MRAS: variants seen among roughly 807,000 people sequenced by gnomAD.
MRAS encodes ras-related protein M-Ras.
In MRAS, 4 loss-of-function variants were observed where a neutral mutation model predicts 20.9. The observed-to-expected ratio is 0.19, with a 90% CI of 0.09 to 0.44. MRAS has a LOEUF of 0.44. Ranked by LOEUF, MRAS falls within the 20% of genes least tolerant of loss-of-function variation. MRAS has a pLI of 0.99. For synonymous variants in MRAS, 98 were observed against 102.9 expected (o/e 0.95, Z 0.29); for missense variants, 154 against 277.5 (o/e 0.56, Z 3.16).
chr3:138,382,327 C>T (rs1012864459), intron 2 of MRAS, among the ~76,000 whole-genome samples: 5 of 152,182 alleles, frequency 3.3e-5, no homozygotes, highest in African/African-American at 7.2e-5. Flanking sequence ...GTCCTCAGAG[C>T]GGTGGTAGCA....
At chr3:138,368,792 AT>A (rs1325309221) in intron 1 of MRAS, among the ~76,000 whole-genome samples, 1 of 152,194 alleles carries the variant, frequency 6.6e-6, no homozygotes, top group Non-Finnish European at 1.5e-5. Flanking sequence ...TTTTAAAAAA[AT>A]CTTTCTCTGT....
chr3:138,378,144 A>G (rs149277649), intron 2 of MRAS, among the ~76,000 whole-genome samples: 117 of 151,632 alleles, frequency 7.7e-4, no homozygotes, highest in African/African-American at 2.6e-3. Flanking sequence ...TGCCCTTCTT[A>G]CTCCTCACCC....
chr3:138,389,722 C>T (rs1194042402), intron 2 of MRAS, among the ~76,000 whole-genome samples: 1 of 151,878 alleles, frequency 6.6e-6, no homozygotes, highest in Non-Finnish European at 1.5e-5. Flanking sequence ...ACCTCAATGT[C>T]CCCATCTATA....
intron 2 of MRAS, among the ~76,000 whole-genome samples, chr3:138,380,018 A>G (rs1020762454): frequency 6.6e-6 from 1 of 152,080 alleles, no homozygotes; most frequent in African/African-American, 2.4e-5. Context: ...GATAATAGCC[A>G]TTGTAACTGG....
At position 138,364,711 on chromosome 3, in the gene MRAS, G is replaced by A. The variant is rs550231719; in HGVS notation, c.-18-8155G>A. Among the ~76,000 whole-genome samples the A allele has an allele frequency of 4.7e-4, 71 of 152,352 alleles. 2 individuals carry two copies. Among genetic ancestry groups the A allele is most frequent in the Non-Finnish European group, 2.2e-4 (15 of 68,016 alleles). On this transcript the variant is annotated intron_variant, in intron 1 of 5. Transcript: ENST00000423968. ...CAGCTTCCTCACTGGTCCTCAGGGC[G>A]GAGGGCTACCTGCTGGTACCAGATC...
chr3:138,388,571 C>T (rs935553235), intron 2 of MRAS, among the ~76,000 whole-genome samples: 3 of 152,140 alleles, frequency 2.0e-5, no homozygotes, highest in African/African-American at 7.2e-5. Flanking sequence ...TGGGGATGCG[C>T]ACCTGTAATT....
intron 1 of MRAS, among the ~76,000 whole-genome samples, chr3:138,351,782 G>T (rs1576334278): frequency 6.6e-6 from 1 of 152,290 alleles, no homozygotes; most frequent in Non-Finnish European, 1.5e-5. Context: ...TGAGTGTCTG[G>T]AGTTCAGAGT....
intron 2 of MRAS, among the ~76,000 whole-genome samples, chr3:138,387,710 C>T (rs1202254304): frequency 6.6e-6 from 1 of 152,174 alleles, no homozygotes; most frequent in African/African-American, 2.4e-5. Flanking sequence ...AGCTGAGATC[C>T]CTGCTGTCCT....
intron 1 of MRAS, among the ~76,000 whole-genome samples, chr3:138,363,579 T>C (rs1382965204): frequency 6.6e-6 from 1 of 151,944 alleles, no homozygotes; most frequent in Non-Finnish European, 1.5e-5. Flanking sequence ...TCAGGCTCAT[T>C]TATTTTGGTA....
chr3:138,391,915 G>C (rs1412180662), intron 2 of MRAS, among the ~76,000 whole-genome samples: 1 of 152,154 alleles, frequency 6.6e-6, no homozygotes, highest in Non-Finnish European at 1.5e-5. Flanking sequence ...CGAGGCAGGT[G>C]GATCACGAGG....
intron 1 of MRAS, among the ~76,000 whole-genome samples, chr3:138,362,975 T>C (rs2054481009): frequency 6.6e-6 from 1 of 152,156 alleles, no homozygotes; most frequent in African/African-American, 2.4e-5. Context: ...CATGCCTCCA[T>C]GCATTACACT....
Position 138,402,031 on chromosome 3 carries a change from G to A in MRAS, c.528-139G>A, listed in dbSNP as rs978872298. On this transcript the variant is annotated intron_variant, in intron 5 of 5. Transcript: ENST00000423968. ...CCAGGACAGCCACTGGGAGAGGGAT[G>A]GCATCCCCATCCCCCTCACCCACTA... 1.9e-5 allele frequency: 14 copies of A among 736,566 alleles called. No homozygotes were observed. In the East Asian group the frequency reaches 3.6e-4, roughly 19 times the overall value. The allele number at this position is 736,566 out of a possible 1,614,324, so 45.6% of individuals were successfully genotyped here.
Position 138,383,641 on chromosome 3 carries a change from A to G in MRAS, c.193+10565A>G, listed in dbSNP as rs569763131. 1.8e-4 allele frequency among the ~76,000 whole-genome samples: 28 copies of G among 152,308 alleles called. No homozygotes were observed. In the South Asian group the frequency reaches 5.6e-3, roughly 30 times the overall value. On this transcript the variant is annotated intron_variant, in intron 2 of 5. Transcript: ENST00000423968. The stretch of plus-strand genomic sequence containing the variant: ...GACTTAGGGATATACCTCTCCGCCC[A>G]GAGTTGTGTGAATTGAACCCTGAGT...
intron 2 of MRAS, among the ~76,000 whole-genome samples, chr3:138,380,130 G>T (rs1471396259): frequency 6.6e-6 from 1 of 151,996 alleles, no homozygotes; most frequent in Admixed American, 6.5e-5. Flanking sequence ...TCATATACCT[G>T]CTATCCATTT....
chr3:138,396,826 C>A (rs1320462134), intron 2 of MRAS, among the ~76,000 whole-genome samples: 1 of 152,108 alleles, frequency 6.6e-6, no homozygotes, highest in Non-Finnish European at 1.5e-5. Context: ...GGGCTTCCCC[C>A]CAGGCATGTC....
At chr3:138,352,893 AC>A (rs760472553) in intron 1 of MRAS, among the ~76,000 whole-genome samples, 2 of 152,012 alleles carry the variant, frequency 1.3e-5, no homozygotes, top group Non-Finnish European at 2.9e-5. Context: ...TGCATCTGTG[AC>A]TTCTCTGCCC....
intron 1 of MRAS, among the ~76,000 whole-genome samples, chr3:138,353,655 C>G (rs1483619995): frequency 6.6e-6 from 1 of 152,210 alleles, no homozygotes; most frequent in Admixed American, 6.5e-5. Context: ...GTCCTTTCTT[C>G]CATCCATCCT....
At chr3:138,356,071 C>G (rs2054325406) in intron 1 of MRAS, among the ~76,000 whole-genome samples, 1 of 152,204 alleles carries the variant, frequency 6.6e-6, no homozygotes. Context: ...GAAGCCGTAC[C>G]AGTGAAGGCA....
chr3:138,397,237 G>A, intron 2 of MRAS, 87 bp from the exon 3 acceptor site: 3 of 1,290,368 alleles, frequency 2.3e-6, no homozygotes, highest in Non-Finnish European at 2.1e-6. Flanking sequence ...GGTAGGGACA[G>A]CAGCAGCAGC....
Sources: allele counts gnomAD v4.1 joint callset (sites outside exome capture counted in the v4.1 genomes callset), GRCh38; gene constraint gnomAD v4.1.1; transcripts MANE v1.5; gene names NCBI Gene and HGNC (gene_info 2026-07-23, HGNC 2026-07-21).